The following NFATC3 variants were observed in gnomAD, a reference collection of about 807,000 sequenced individuals.
NFATC3 encodes nuclear factor of activated T-cells, cytoplasmic 3.
A neutral mutation model predicts 98.6 loss-of-function variants in NFATC3; 46 were observed. The observed-to-expected ratio is 0.47, with a 90% confidence interval of 0.37 to 0.60. NFATC3 has a LOEUF of 0.60. NFATC3 is among the 20% of genes least tolerant of loss of function. The pLI is 0.00. For missense variants in NFATC3, 1,256 were observed against 1,295.5 expected, an observed-to-expected ratio of 0.97 and a Z score of 0.47; for synonymous variants, 512 against 472.2, an observed-to-expected ratio of 1.08 and a Z score of -1.09.
At chr16:68,086,577 C>T (rs1285018313) in intron 1 of NFATC3, 1 of 935,266 alleles carries the variant, frequency 1.1e-6, no homozygotes, top group Non-Finnish European at 1.3e-6. Flanking sequence ...ACTTAGAGCT[C>T]TTTTGTGACC....
At chr16:68,148,345 T>C (rs546602955) in intron 3 of NFATC3, among the ~76,000 whole-genome samples, 2 of 152,244 alleles carry the variant, frequency 1.3e-5, no homozygotes, top group Non-Finnish European at 2.9e-5. Flanking sequence ...TGTGATGATA[T>C]TGACATTTTA....
intron 1 of NFATC3, among the ~76,000 whole-genome samples, chr16:68,121,218 G>C (rs12445396): frequency 6.0e-5 from 9 of 149,342 alleles, no homozygotes; most frequent in African/African-American, 2.2e-4. Context: ...TTGCAGCCTA[G>C]GAATATCTCA....
At chr16:68,142,716 C>G (rs1238392018) in intron 3 of NFATC3, among the ~76,000 whole-genome samples, 2 of 151,664 alleles carry the variant, frequency 1.3e-5, no homozygotes, top group Non-Finnish European at 2.9e-5. Flanking sequence ...TGAGATCATG[C>G]CATTGCACTT....
At chr16:68,162,184 G>T (rs932333778) in intron 4 of NFATC3, among the ~76,000 whole-genome samples, 1 of 152,200 alleles carries the variant, frequency 6.6e-6, no homozygotes, top group African/African-American at 2.4e-5. Context: ...TAGGACCCAA[G>T]CGTTATGTAT....
chr16:68,227,238 C>G lies in NFATC3; in HGVS notation c.*767C>G, dbSNP rs1012970303. ...TCCCTCAGGACCCTGGGTAAGATGG[C>G]TACATTTAAGGTGACTCTGAATGGT... On this transcript the variant is annotated 3_prime_UTR_variant, in exon 10 of 10. Coordinates refer to ENST00000346183, the MANE Select transcript of NFATC3 (RefSeq NM_173165.3). 2 of 152,186 alleles carry G rather than the reference C, an allele frequency of 1.3e-5. No homozygotes were observed. The highest frequency in any genetic ancestry group is 2.4e-5 in the African/African-American group (1 of 41,454). 9.4% of individuals were successfully genotyped at this position (152,186 alleles called of 1,614,324 possible).
At chr16:68,147,551 C>T (rs1414114082) in intron 3 of NFATC3, among the ~76,000 whole-genome samples, 1 of 152,168 alleles carries the variant, frequency 6.6e-6, no homozygotes, top group East Asian at 1.9e-4. Flanking sequence ...ATACTGTCCT[C>T]TTCACAGTGC....
chr16:68,134,534 A>G (rs1468414785), intron 3 of NFATC3, among the ~76,000 whole-genome samples: 2 of 151,996 alleles, frequency 1.3e-5, no homozygotes, highest in African/African-American at 4.8e-5. Flanking sequence ...CTTCCTTCTT[A>G]ATTTTTATAC....
chr16:68,163,811 G>A (rs1344179693), intron 4 of NFATC3, among the ~76,000 whole-genome samples: 7 of 151,176 alleles, frequency 4.6e-5, no homozygotes, highest in Non-Finnish European at 1.0e-4. Flanking sequence ...ATGGGCGGCC[G>A]GGCAGAGACG....
intron 1 of NFATC3, among the ~76,000 whole-genome samples, chr16:68,113,079 CT>C (rs1217937649): frequency 6.6e-6 from 1 of 152,174 alleles, no homozygotes; most frequent in Non-Finnish European, 1.5e-5. Flanking sequence ...CTTTTGAAGC[CT>C]ACTTCTGTCA....
chr16:68,188,884 T>C (rs751417266), intron 8 of NFATC3, among the ~76,000 whole-genome samples: 7 of 152,014 alleles, frequency 4.6e-5, no homozygotes, highest in Non-Finnish European at 1.0e-4. Context: ...AATTTTGTGT[T>C]TTTAGTAGAG....
rs755455925 is a variant in NFATC3 at position 68,183,226 on chromosome 16, C to G, written c.1972-14C>G. The G allele has an allele frequency of 2.6e-6, 4 of 1,565,424 alleles. No individual in the cohort carries two copies. Among genetic ancestry groups the G allele is most frequent in the Middle Eastern group, 1.7e-4 (1 of 5,814 alleles). On this transcript the variant is annotated splice_polypyrimidine_tract_variant and intron_variant, in intron 7 of 9. Transcript: ENST00000346183. ...TAGTTCTGAGTGTAACACAATCTTG[C>G]TTTCCATCCTTAGGCTCACATTGTC...
intron 3 of NFATC3, among the ~76,000 whole-genome samples, chr16:68,126,890 T>G (rs1344859099): frequency 6.6e-6 from 1 of 152,182 alleles, no homozygotes; most frequent in Non-Finnish European, 1.5e-5. Flanking sequence ...ATGGCCGTAT[T>G]ATATTTATGA....
chr16:68,102,049 TAGG>T (rs1170618576), intron 1 of NFATC3, among the ~76,000 whole-genome samples: 2 of 151,998 alleles, frequency 1.3e-5, no homozygotes, highest in Admixed American at 6.6e-5. Context: ...CTGATGGTAA[TAGG>T]AGGTAAATTT....
In NFATC3 at chr16:68,191,655, A is replaced by G. The variant is rs1306869381; in HGVS notation, c.2986A>G (p.Ser996Gly). The G allele has an allele frequency of 6.2e-7, 1 of 1,614,136 alleles. No individual in the cohort carries two copies. The highest frequency in any genetic ancestry group is 1.1e-5 in the South Asian group (1 of 91,078). ...TGCACCTTCATCCTTAATATGTCAC[A>G]GTTTGTGTGATCCAGCGTCATTTCC... is the stretch of plus-strand genomic sequence containing the variant. ...LSAPSSLICH[S>G]LCDPASFPPD... Residue 996 changes from serine (S) to glycine (G), a missense_variant, in exon 9 of 10, where the codon AGT becomes GGT. Ser to Gly is a moderately conservative substitution (Grantham distance 56). Transcript: ENST00000346183.
chr16:68,192,230 A>AAAAAAAATAT (rs1555522047), intron 9 of NFATC3: 1 of 82,580 alleles, frequency 1.2e-5, no homozygotes, highest in African/African-American at 5.7e-5. Flanking sequence ...AAAAAAAAAA[A>AAAAAAAATAT]ATATATATAT....
chr16:68,198,030 G>A (rs1385135885), intron 9 of NFATC3, among the ~76,000 whole-genome samples: 1 of 152,108 alleles, frequency 6.6e-6, no homozygotes, highest in Admixed American at 6.5e-5. Flanking sequence ...AGAATTTCGG[G>A]AGTTATAGAC....
chr16:68,085,776 G>A lies in NFATC3; in HGVS notation c.95G>A (p.Arg32Gln). ...CCGGCGCCGCCGCCCCCGGGCTCGC[G>A]GCCTGCAGGTGGGTGCCGGGCCAGG... is the stretch of plus-strand genomic sequence containing the variant. Reference protein sequence around the residue: ...GAPAPPPPGSRPADLEPDDCA... With the variant: ...GAPAPPPPGSQPADLEPDDCA... The change falls in exon 1 of 10, where the codon CGG becomes CAG. Residue 32 changes from arginine (R) to glutamine (Q), a missense_variant. Coordinates refer to ENST00000346183, the MANE Select transcript of NFATC3 (RefSeq NM_173165.3). 1 of 1,491,244 alleles carries A rather than the reference G, an allele frequency of 6.7e-7. No individual in the cohort carries two copies. The highest frequency in any genetic ancestry group is 8.9e-7 in the Non-Finnish European group (1 of 1,126,284). The allele number at this position is 1,491,244 out of a possible 1,614,324, so 92.4% of individuals were successfully genotyped here.
At chr16:68,203,513 G>T (rs1353387578) in intron 9 of NFATC3, among the ~76,000 whole-genome samples, 1 of 151,500 alleles carries the variant, frequency 6.6e-6, no homozygotes, top group African/African-American at 2.4e-5. Context: ...TGTGCCTATA[G>T]TCCCAGCTAC....
rs2036630337 is a variant in NFATC3, at chr16:68,122,894, T to G, written c.1011T>G (p.Pro337=). 1 of 1,614,150 alleles carries G rather than the reference T, an allele frequency of 6.2e-7. No homozygotes were observed. Among genetic ancestry groups the G allele is most frequent in the African/African-American group, 1.3e-5 (1 of 75,028 alleles). The change falls in exon 2 of 10, where the codon CCT becomes CCG. Residue 337 remains proline (P), a synonymous_variant. Coordinates refer to ENST00000346183, the MANE Select transcript of NFATC3 (RefSeq NM_173165.3). Reference sequence around the variant, plus strand: ...AGTACTGTGTAGAGACTGACATCCCTCTCAAAACAAGGAAAACTTCTGAAG... The same window carrying G: ...AGTACTGTGTAGAGACTGACATCCCGCTCAAAACAAGGAAAACTTCTGAAG... ...PFQYCVETDI[P]LKTRKTSEDQ...
Sources: gnomAD v4.1 joint callset for allele counts (sites outside exome capture counted in the v4.1 genomes callset) on GRCh38, gnomAD v4.1.1 for gene constraint, MANE v1.5 for transcripts, NCBI Gene and HGNC (gene_info 2026-07-23, HGNC 2026-07-21) for gene names.